Variants in ULK4 observed in about 807,000 individuals in gnomAD.
The protein encoded by ULK4 is unc-51 like kinase 4, also known as inactive serine/threonine-protein kinase ULK4.
In ULK4, 133 loss-of-function variants were observed where a neutral mutation model predicts 160.6. The ratio of observed to expected loss-of-function variants is 0.83; its 90% confidence interval spans 0.72 to 0.96. The LOEUF is 0.96. Among genes scored for constraint, ULK4 ranks in the 40% least tolerant of loss-of-function variants. ULK4 has a pLI of 0.00. For synonymous variants in ULK4, 534 were observed against 539.8 expected (o/e 0.99, Z 0.15); for missense variants, 1,580 against 1,499.5 (o/e 1.05, Z -0.89).
At chr3:41,833,349 G>T (rs981292261) in intron 18 of ULK4, among the ~76,000 whole-genome samples, 5 of 151,612 alleles carry the variant, frequency 3.3e-5, no homozygotes, top group African/African-American at 7.3e-5. Context: ...AGGCTGGAGG[G>T]CAGTGGCGCA....
chr3:41,568,901 G>T (rs2087875265), intron 31 of ULK4, among the ~76,000 whole-genome samples: 1 of 152,156 alleles, frequency 6.6e-6, no homozygotes, highest in Non-Finnish European at 1.5e-5. Context: ...TGGACCTCTG[G>T]AACTTCTGAC....
In ULK4 at chr3:41,361,034, G is replaced by A. The variant is rs190061489; in HGVS notation, c.3678+37045C>T. Among the ~76,000 whole-genome samples the A allele has an allele frequency of 6.5e-3, 994 of 152,254 alleles. 2 individuals carry two copies. The highest frequency in any genetic ancestry group is 0.014 in the Middle Eastern group (4 of 294). ...ACCCAGGAAGGGGCGCTTTGATGAC[G>A]CAGGAGAGAGAAAGGGGAGATCTGC... On this transcript the variant is annotated intron_variant, in intron 35 of 36. Transcript: ENST00000301831.
intron 26 of ULK4, 24 bp downstream of exon 26, chr3:41,705,230 C>T: frequency 6.2e-7 from 1 of 1,613,134 alleles, no homozygotes; most frequent in South Asian, 1.1e-5. Context: ...AACAAAGACA[C>T]AAAATGTTCC....
chr3:41,311,217 T>C (rs760978685), intron 35 of ULK4, among the ~76,000 whole-genome samples: 2 of 152,118 alleles, frequency 1.3e-5, no homozygotes, highest in African/African-American at 2.4e-5. Flanking sequence ...CTTGATTGGA[T>C]TGAAGGATGC....
intron 5 of ULK4, among the ~76,000 whole-genome samples, chr3:41,921,773 G>T (rs1374071989): frequency 5.3e-5 from 8 of 152,162 alleles, no homozygotes; most frequent in Non-Finnish European, 1.2e-4. Context: ...AAAATATTAT[G>T]AAAGTTTTAA....
chr3:41,328,598 A>C (rs1399350393), intron 35 of ULK4, among the ~76,000 whole-genome samples: 1 of 152,046 alleles, frequency 6.6e-6, no homozygotes, highest in Admixed American at 6.5e-5. Context: ...TAGAAGTTAC[A>C]GTGAGAAATT....
intron 2 of ULK4, among the ~76,000 whole-genome samples, chr3:41,947,097 G>GCGGGAGGATCACAAGGT (rs1700133560): frequency 1.3e-5 from 2 of 152,216 alleles, no homozygotes; most frequent in Admixed American, 6.5e-5. Context: ...GGAGGCCGAG[G>GCGGGAGGATCACAAGGT]CGGGAGGATC....
chr3:41,817,623 G>C (rs1447957383), intron 19 of ULK4, among the ~76,000 whole-genome samples: 1 of 152,040 alleles, frequency 6.6e-6, no homozygotes, highest in Non-Finnish European at 1.5e-5. Context: ...ACTTCTAGAG[G>C]GGAGAAGGTG....
intron 22 of ULK4, 36 bp from the exon 23 acceptor site, chr3:41,717,897 A>G: frequency 3.1e-6 from 5 of 1,595,958 alleles, no homozygotes; most frequent in Non-Finnish European, 4.3e-6. Flanking sequence ...ACCTCTCATG[A>G]TAAAACACTT....
intron 30 of ULK4, among the ~76,000 whole-genome samples, chr3:41,650,052 G>A (rs978440227): frequency 6.6e-6 from 1 of 152,136 alleles, no homozygotes; most frequent in African/African-American, 2.4e-5. Context: ...ACCTGCCTGT[G>A]GAAGGGAGCT....
chr3:41,916,670 T>C (rs1205257593), intron 7 of ULK4, among the ~76,000 whole-genome samples: 2 of 151,948 alleles, frequency 1.3e-5, no homozygotes, highest in Non-Finnish European at 2.9e-5. Context: ...GCAATTACAA[T>C]TACAAGTGTG....
At chr3:41,344,752 C>CCA (rs2080762922) in intron 35 of ULK4, among the ~76,000 whole-genome samples, 1 of 62,820 alleles carries the variant, frequency 1.6e-5, no homozygotes, top group South Asian at 5.5e-4. Context: ...GACTCTGTCT[C>CCA]AAAAAAAAAA....
At chr3:41,492,520 TA>T (rs1042564094) in intron 32 of ULK4, among the ~76,000 whole-genome samples, 5 of 148,584 alleles carry the variant, frequency 3.4e-5, no homozygotes, top group African/African-American at 1.3e-4. Flanking sequence ...CTGCATCAAC[TA>T]ACAAGCAAAA....
intron 30 of ULK4, among the ~76,000 whole-genome samples, chr3:41,656,129 T>C (rs1390253272): frequency 6.6e-6 from 1 of 152,164 alleles, no homozygotes; most frequent in Non-Finnish European, 1.5e-5. Flanking sequence ...ACTAGACATT[T>C]CTACCTTCTG....
chr3:41,805,454 T>C (rs1238057278), intron 19 of ULK4, among the ~76,000 whole-genome samples: 1 of 152,166 alleles, frequency 6.6e-6, no homozygotes, highest in Non-Finnish European at 1.5e-5. Context: ...CTTCCTCTTT[T>C]CCTAATTGAA....
At chr3:41,809,850 G>A (rs1408654709) in intron 19 of ULK4, among the ~76,000 whole-genome samples, 4 of 151,856 alleles carry the variant, frequency 2.6e-5, no homozygotes, top group African/African-American at 9.7e-5. Context: ...TTATCTATTG[G>A]GATGTTGACT....
intron 34 of ULK4, among the ~76,000 whole-genome samples, chr3:41,435,616 G>T (rs370625092): frequency 6.6e-6 from 1 of 152,154 alleles, no homozygotes; most frequent in Non-Finnish European, 1.5e-5. Context: ...AACTTTAATA[G>T]TAGGAAAATG....
intron 35 of ULK4, among the ~76,000 whole-genome samples, chr3:41,353,019 T>G (rs2125763419): frequency 6.6e-6 from 1 of 152,350 alleles, no homozygotes; most frequent in South Asian, 2.1e-4. Flanking sequence ...CAGCCTTTAC[T>G]CTACTGGACT....
At chr3:41,746,583 T>C (rs927720498) in intron 22 of ULK4, among the ~76,000 whole-genome samples, 1 of 151,666 alleles carries the variant, frequency 6.6e-6, no homozygotes, top group African/African-American at 2.4e-5. Flanking sequence ...TGTATTGATG[T>C]ATTAGTTTAA....
Sources: allele counts gnomAD v4.1 joint callset (sites outside exome capture counted in the v4.1 genomes callset), GRCh38; gene constraint gnomAD v4.1.1; transcripts MANE v1.5; gene names NCBI Gene and HGNC (gene_info 2026-07-23, HGNC 2026-07-21).